KAZN: variants seen among roughly 807,000 people sequenced by gnomAD.
KAZN encodes the protein kazrin.
In KAZN, 40 loss-of-function variants were observed where a neutral mutation model predicts 87.4. That is an observed-to-expected ratio of 0.46 (90% confidence interval 0.36 to 0.60). The LOEUF is 0.60. Among genes scored for constraint, KAZN ranks in the 20% least tolerant of loss-of-function variants. The probability of loss-of-function intolerance (pLI) is 0.00; values close to 1 mark genes in which losing one functional copy is unlikely to be tolerated. For synonymous variants in KAZN, 466 were observed against 458.3 expected (o/e 1.02, Z -0.22); for missense variants, 898 against 1,073.9 (o/e 0.84, Z 2.29).
chr1:14,889,033 C>T (rs140194302), intron 1 of KAZN, among the ~76,000 whole-genome samples: 1 of 152,304 alleles, frequency 6.6e-6, no homozygotes, highest in East Asian at 1.9e-4. Flanking sequence ...GCAAAAACAT[C>T]TCATAGTGTT....
intron 1 of KAZN, among the ~76,000 whole-genome samples, chr1:14,829,412 A>C (rs1249480950): frequency 1.3e-5 from 2 of 152,340 alleles, no homozygotes; most frequent in East Asian, 3.9e-4. Context: ...CCAAGAGAAG[A>C]AATGAGTAAC....
chr1:14,675,279 A>G (rs1474271436), intron 1 of KAZN, among the ~76,000 whole-genome samples: 2 of 152,138 alleles, frequency 1.3e-5, no homozygotes, highest in African/African-American at 4.8e-5. Context: ...GGTTGAACTG[A>G]CTGTTGAACT....
chr1:14,145,960 T>C (rs976857135), intron 1 of KAZN, among the ~76,000 whole-genome samples: 7 of 149,816 alleles, frequency 4.7e-5, no homozygotes, highest in African/African-American at 1.7e-4. Context: ...ACATTTCCTT[T>C]TTTTTCTTTA....
At chr1:14,740,190 A>C (rs970583873) in intron 1 of KAZN, among the ~76,000 whole-genome samples, 22 of 152,128 alleles carry the variant, frequency 1.4e-4, no homozygotes, top group African/African-American at 5.3e-4. Context: ...TGTGGCTTAG[A>C]CATCCCTGGA....
At chr1:14,835,230 A>G (rs1013059694) in intron 1 of KAZN, among the ~76,000 whole-genome samples, 8 of 152,224 alleles carry the variant, frequency 5.3e-5, no homozygotes. Flanking sequence ...CACCAAAGAC[A>G]TATGTTGCCT....
intron 2 of KAZN, among the ~76,000 whole-genome samples, chr1:14,370,390 G>A (rs1660381176): frequency 6.6e-6 from 1 of 152,212 alleles, no homozygotes; most frequent in African/African-American, 2.4e-5. Context: ...AAGCTGCTCA[G>A]CCCCTGAGTA....
chr1:14,402,355 C>A (rs539936878), intron 2 of KAZN, among the ~76,000 whole-genome samples: 81 of 152,152 alleles, frequency 5.3e-4, no homozygotes, highest in African/African-American at 1.7e-3. Context: ...GCGTTCCAAG[C>A]ACTTGTATTT....
chr1:14,062,159 C>T (rs561750859), intron 1 of KAZN, among the ~76,000 whole-genome samples: 8 of 152,170 alleles, frequency 5.3e-5, no homozygotes, highest in Middle Eastern at 3.4e-3. Flanking sequence ...AGAAGATGTG[C>T]GGCTAACTAC....
At chr1:14,291,275 T>G (rs1215476350) in intron 2 of KAZN, among the ~76,000 whole-genome samples, 1 of 152,254 alleles carries the variant, frequency 6.6e-6, no homozygotes, top group African/African-American at 2.4e-5. Context: ...TGTTCAGCTA[T>G]GCCCTGCCCC....
intron 1 of KAZN, among the ~76,000 whole-genome samples, chr1:14,169,585 C>A (rs1252899837): frequency 6.6e-6 from 1 of 152,120 alleles, no homozygotes; most frequent in Non-Finnish European, 1.5e-5. Flanking sequence ...GCCCCCAATG[C>A]TACCTAGGGT....
intron 2 of KAZN, among the ~76,000 whole-genome samples, chr1:14,384,764 G>C (rs988728725): frequency 6.6e-6 from 1 of 151,552 alleles, no homozygotes; most frequent in Non-Finnish European, 1.5e-5. Context: ...CGCGGATATT[G>C]GTCTAAAATT....
At chr1:14,667,749 GACCCGGA>G (rs1396130214) in intron 1 of KAZN, among the ~76,000 whole-genome samples, 3 of 151,048 alleles carry the variant, frequency 2.0e-5, no homozygotes, top group Non-Finnish European at 2.9e-5. Context: ...TACTGAAGTT[GACCCGGA>G]TAACTGCTGG....
At chr1:14,875,386 T>C (rs1322558108) in intron 1 of KAZN, among the ~76,000 whole-genome samples, 4 of 149,938 alleles carry the variant, frequency 2.7e-5, no homozygotes, top group African/African-American at 9.8e-5. Context: ...ATGTTATTTA[T>C]CTTTTTATGG....
intron 1 of KAZN, among the ~76,000 whole-genome samples, chr1:14,132,331 G>A (rs1383995116): frequency 6.6e-6 from 1 of 152,132 alleles, no homozygotes. Context: ...CAGAAAAGCA[G>A]GGGGTCACAG....
At chr1:13,949,508 C>T (rs142572645) in intron 1 of KAZN, among the ~76,000 whole-genome samples, 7 of 151,844 alleles carry the variant, frequency 4.6e-5, no homozygotes, top group East Asian at 1.9e-4. Context: ...CATGACTTTC[C>T]GTGAGCATCT....
intron 2 of KAZN, among the ~76,000 whole-genome samples, chr1:14,288,381 T>C (rs1204362483): frequency 6.6e-6 from 1 of 152,236 alleles, no homozygotes; most frequent in African/African-American, 2.4e-5. Context: ...TATTCAGAGA[T>C]TAAATTTCTC....
At chr1:14,270,716 T>G (rs1651849578) in intron 2 of KAZN, among the ~76,000 whole-genome samples, 1 of 152,230 alleles carries the variant, frequency 6.6e-6, no homozygotes, top group African/African-American at 2.4e-5. Context: ...GTGCTTTCAA[T>G]GAGCTTATTA....
chr1:14,836,155 C>T (rs528824883), intron 1 of KAZN, among the ~76,000 whole-genome samples: 1 of 152,294 alleles, frequency 6.6e-6, no homozygotes, highest in East Asian at 1.9e-4. Flanking sequence ...GGGACAGAAG[C>T]TGAAGCCTGC....
chr1:14,997,191 T>A (rs1557698911), intron 2 of KAZN, among the ~76,000 whole-genome samples: 1 of 131,062 alleles, frequency 7.6e-6, no homozygotes, highest in African/African-American at 3.2e-5. Flanking sequence ...TGTTTTCTTT[T>A]CTTTCTTTCT....
Sources: allele counts gnomAD v4.1 joint callset (sites outside exome capture counted in the v4.1 genomes callset), GRCh38; gene constraint gnomAD v4.1.1; transcripts MANE v1.5; gene names NCBI Gene and HGNC (gene_info 2026-07-23, HGNC 2026-07-21).